The following OGDH variants were observed in gnomAD, a reference collection of about 807,000 sequenced individuals.
OGDH encodes the protein 2-oxoglutarate dehydrogenase complex component E1.
Under a neutral mutation model 116.6 loss-of-function variants are expected in OGDH, and 38 were observed. The observed-to-expected ratio is 0.33, with a 90% CI of 0.25 to 0.43. The LOEUF is 0.43. Ranked by LOEUF, OGDH falls within the 20% of genes least tolerant of loss-of-function variation. The probability of loss-of-function intolerance (pLI) is 1.00; values close to 1 mark genes in which losing one functional copy is unlikely to be tolerated. For missense variants in OGDH, 825 were observed against 1,357.2 expected (o/e 0.61, Z 6.16); for synonymous variants, 488 against 533.3 (o/e 0.92, Z 1.17).
intron 4 of OGDH, among the ~76,000 whole-genome samples, chr7:44,660,668 C>T (rs904169892): frequency 6.6e-6 from 1 of 152,094 alleles, no homozygotes; most frequent in Non-Finnish European, 1.5e-5. Flanking sequence ...GTGGTTCATG[C>T]CTATAAACCC....
intron 4 of OGDH, among the ~76,000 whole-genome samples, chr7:44,648,429 G>A (rs978391485): frequency 3.3e-5 from 5 of 152,180 alleles, no homozygotes; most frequent in African/African-American, 1.2e-4. Context: ...TTGTGGCTGG[G>A]CTCTCACCTG....
chr7:44,707,052 A>G lies in OGDH; in HGVS notation c.2633-173A>G, dbSNP rs567950043. ...TTTGTTACACGTAACGTGCTTTTCA[A>G]AGTGTGCCTGGTCTGAGCAAATACA... On this transcript the variant is annotated intron_variant, in intron 20 of 22. Coordinates refer to ENST00000222673, the MANE Select transcript of OGDH (RefSeq NM_002541.4). The surrounding 1 kb of genome is among the most constrained non-coding windows in gnomAD (Gnocchi z 5.2). Among the ~76,000 whole-genome samples the G allele has an allele frequency of 8.5e-5, 13 of 152,290 alleles. No individual in the cohort carries two copies. Among genetic ancestry groups the G allele is most frequent in the African/African-American group, 3.1e-4 (13 of 41,564 alleles).
chr7:44,632,145 G>A (rs1785469193), intron 2 of OGDH, among the ~76,000 whole-genome samples: 1 of 152,146 alleles, frequency 6.6e-6, no homozygotes, highest in Non-Finnish European at 1.5e-5. Flanking sequence ...GGACCCCTCA[G>A]CAGGTAGAAG....
chr7:44,680,572 A>T (rs1004338355), intron 9 of OGDH, among the ~76,000 whole-genome samples: 7 of 152,034 alleles, frequency 4.6e-5, no homozygotes, highest in Non-Finnish European at 7.4e-5. Context: ...ACACACACAC[A>T]CAGAAATAGC....
At chr7:44,691,766 G>A (rs1788373578) in intron 10 of OGDH, among the ~76,000 whole-genome samples, 1 of 151,520 alleles carries the variant, frequency 6.6e-6, no homozygotes, top group Admixed American at 6.6e-5. Flanking sequence ...CACAAGGTCA[G>A]GAGATTGAGA....
intron 8 of OGDH, 98 bp from the exon 9 acceptor site, chr7:44,675,867 AACTCC>A: frequency 1.6e-6 from 2 of 1,234,986 alleles, no homozygotes; most frequent in Non-Finnish European, 2.3e-6. Flanking sequence ...ACAAGAGCGA[AACTCC>A]ATCTCAAAAA....
intron 2 of OGDH, among the ~76,000 whole-genome samples, chr7:44,625,251 A>G (rs1479199949): frequency 6.6e-6 from 1 of 151,976 alleles, no homozygotes; most frequent in Non-Finnish European, 1.5e-5. Context: ...CAGCCTCCCG[A>G]GTAACTGGGA....
chr7:44,655,631 G>A (rs2268313), intron 4 of OGDH, among the ~76,000 whole-genome samples: 8,591 of 152,336 alleles, frequency 0.056, 473 homozygotes, highest in East Asian at 0.24. Context: ...AGGGTCAGGA[G>A]CATGTTTTGT....
chr7:44,628,415 T>C (rs1280833364), intron 2 of OGDH, among the ~76,000 whole-genome samples: 1 of 151,688 alleles, frequency 6.6e-6, no homozygotes, highest in East Asian at 1.9e-4. Flanking sequence ...ACTTTATAAT[T>C]GGTCGTTGTA....
intron 5 of OGDH, among the ~76,000 whole-genome samples, chr7:44,672,505 CT>C (rs915792896): frequency 2.0e-5 from 3 of 152,164 alleles, no homozygotes; most frequent in Non-Finnish European, 4.4e-5. Flanking sequence ...GGCCTATCTT[CT>C]TTTTATTCCA....
At chr7:44,615,869 T>A (rs1784745880) in intron 1 of OGDH, among the ~76,000 whole-genome samples, 1 of 151,952 alleles carries the variant, frequency 6.6e-6, no homozygotes, top group Non-Finnish European at 1.5e-5. Flanking sequence ...CTATAAAAAA[T>A]ACAAAAATTA....
intron 5 of OGDH, among the ~76,000 whole-genome samples, chr7:44,670,191 T>A (rs1168695266): frequency 6.6e-6 from 1 of 152,078 alleles, no homozygotes; most frequent in South Asian, 2.1e-4. Context: ...TTCTAGAGTT[T>A]TTAACCCAAT....
intron 4 of OGDH, among the ~76,000 whole-genome samples, chr7:44,660,181 G>GTGGCA (rs1786872464): frequency 1.3e-5 from 2 of 152,164 alleles, no homozygotes; most frequent in South Asian, 4.1e-4. Context: ...CTATAGTGCA[G>GTGGCA]TGGCATGGTC....
rs59074567 is a variant in OGDH, at chr7:44,687,091, AT to A, written c.1335+5265del. Among the ~76,000 whole-genome samples, 140 of 95,530 alleles carry A rather than the reference AT, an allele frequency of 1.5e-3. 1 individual carries two copies. The highest frequency in any genetic ancestry group is 1.9e-3 in the African/African-American group (43 of 23,222). The allele number at this position is 95,530 out of a possible 152,430, so 62.7% of individuals were successfully genotyped here. ...CATGTTTTTAAAAAAATTTTTTTTA[AT>A]TTTTTTTTTTTTTTTTTTTTTCTGA... On this transcript the variant is annotated intron_variant, in intron 10 of 22. Transcript: ENST00000222673.
intron 4 of OGDH, among the ~76,000 whole-genome samples, chr7:44,650,995 T>C (rs1402257951): frequency 6.6e-6 from 1 of 152,254 alleles, no homozygotes; most frequent in Non-Finnish European, 1.5e-5. Flanking sequence ...GCAGTGATCA[T>C]ACCCATGTTG....
chr7:44,678,714 G>A (rs541714505), intron 9 of OGDH, among the ~76,000 whole-genome samples: 1 of 152,290 alleles, frequency 6.6e-6, no homozygotes, highest in African/African-American at 2.4e-5. Flanking sequence ...GTCCCCAGCA[G>A]GGTCAGTGTG....
intron 2 of OGDH, among the ~76,000 whole-genome samples, chr7:44,627,093 C>T (rs1785236578): frequency 6.6e-6 from 1 of 152,112 alleles, no homozygotes; most frequent in African/African-American, 2.4e-5. Flanking sequence ...ACCTCCGAGG[C>T]TCAAGCGATT....
At chr7:44,676,282 G>A (rs1238911970) in intron 9 of OGDH, 133 bp downstream of exon 9, 4 of 1,538,502 alleles carry the variant, frequency 2.6e-6, no homozygotes, top group Admixed American at 2.0e-5. Context: ...TCGGCCGGGC[G>A]CAGTGTCTCA....
intron 10 of OGDH, among the ~76,000 whole-genome samples, chr7:44,693,062 A>G (rs571774290): frequency 1.3e-5 from 2 of 152,004 alleles, no homozygotes; most frequent in South Asian, 4.1e-4. Context: ...TAATCCCAGC[A>G]CTTTGGGAGG....
Sources: gnomAD v4.1 joint callset for allele counts (sites outside exome capture counted in the v4.1 genomes callset) on GRCh38, gnomAD v4.1.1 for gene constraint, Gnocchi (gnomAD v3.1) non-coding constraint, MANE v1.5 for transcripts, NCBI Gene and HGNC (gene_info 2026-07-23, HGNC 2026-07-21) for gene names.